Variants in EXOC4 observed in about 807,000 individuals in gnomAD.
EXOC4 encodes exocyst complex component 4.
A neutral mutation model predicts 107.2 loss-of-function variants in EXOC4; 71 were observed. The ratio of observed to expected loss-of-function variants is 0.66; its 90% CI spans 0.55 to 0.81. EXOC4 has a LOEUF of 0.81. Ranked by LOEUF, EXOC4 falls within the 30% of genes least tolerant of loss-of-function variation. The probability of loss-of-function intolerance (pLI) is 0.00; values close to 1 mark genes in which losing one functional copy is unlikely to be tolerated. For missense variants in EXOC4, 1,108 were observed against 1,189.6 expected, an observed-to-expected ratio of 0.93 and a Z score of 1.01; for synonymous variants, 456 against 441.2, an observed-to-expected ratio of 1.03 and a Z score of -0.42.
intron 1 of EXOC4, among the ~76,000 whole-genome samples, chr7:133,256,426 C>T (rs1202851089): frequency 2.6e-5 from 4 of 152,194 alleles, no homozygotes; most frequent in African/African-American, 4.8e-5. Flanking sequence ...ATGTTAGGCT[C>T]GTGTTTATAA....
At chr7:133,452,337 G>A (rs1396983491) in intron 7 of EXOC4, among the ~76,000 whole-genome samples, 1 of 151,938 alleles carries the variant, frequency 6.6e-6, no homozygotes, top group Non-Finnish European at 1.5e-5. Context: ...TCTATCATAA[G>A]ATAACTGTTG....
intron 9 of EXOC4, among the ~76,000 whole-genome samples, chr7:133,605,153 A>G (rs533017466): frequency 6.6e-6 from 1 of 152,318 alleles, no homozygotes; most frequent in South Asian, 2.1e-4. Context: ...GTGTATGAAC[A>G]TTAGAGACTA....
At chr7:133,430,322 C>T (rs973712445) in intron 7 of EXOC4, among the ~76,000 whole-genome samples, 5 of 152,042 alleles carry the variant, frequency 3.3e-5, no homozygotes, top group South Asian at 2.1e-4. Flanking sequence ...TGGGGCATGG[C>T]GGGCCAGGGT....
At chr7:133,946,159 C>G (rs1298592711) in intron 14 of EXOC4, among the ~76,000 whole-genome samples, 2 of 152,172 alleles carry the variant, frequency 1.3e-5, no homozygotes, top group Non-Finnish European at 2.9e-5. Flanking sequence ...ACTTTCCGTG[C>G]CCTTCATCGT....
rs1434198714 is a variant in EXOC4 at position 133,817,520 on chromosome 7, G to A, written c.1710G>A (p.Leu570=). ...ILANADTMKV[L]GVQRPLLQST... ...CCAACGCAGACACCATGAAGGTGCT[G>A]GGAGTGCAGCGGCCTCTCCTACAGG... The change falls in exon 11 of 18, where the codon CTG becomes CTA. Residue 570 remains leucine (L), a synonymous_variant. Transcript: ENST00000253861. 4 of 1,613,902 alleles carry A rather than the reference G, an allele frequency of 2.5e-6. No individual in the cohort carries two copies. In the African/African-American group the frequency reaches 5.3e-5, roughly 22 times the overall value.
chr7:133,480,369 A>G (rs1799125724), intron 9 of EXOC4: 3 of 1,342,952 alleles, frequency 2.2e-6, no homozygotes, highest in East Asian at 6.1e-5. Context: ...ATTCAAAGCA[A>G]AAAGAGATGA....
At chr7:133,680,663 G>A (rs1210993935) in intron 10 of EXOC4, among the ~76,000 whole-genome samples, 2 of 152,168 alleles carry the variant, frequency 1.3e-5, no homozygotes, top group Non-Finnish European at 2.9e-5. Context: ...GAATAATTTC[G>A]CTAGGACCTA....
intron 10 of EXOC4, among the ~76,000 whole-genome samples, chr7:133,707,487 GA>G (rs1188328255): frequency 6.6e-6 from 1 of 151,536 alleles, no homozygotes; most frequent in African/African-American, 2.4e-5. Flanking sequence ...GAGAAACAAA[GA>G]AAAAGTTAAA....
At chr7:133,380,509 T>C (rs1796593441) in intron 7 of EXOC4, among the ~76,000 whole-genome samples, 1 of 152,092 alleles carries the variant, frequency 6.6e-6, no homozygotes, top group African/African-American at 2.4e-5. Flanking sequence ...TAGCAGTCAC[T>C]CCTCATATCC....
At chr7:133,460,540 A>G (rs1018131431) in intron 7 of EXOC4, among the ~76,000 whole-genome samples, 1 of 152,228 alleles carries the variant, frequency 6.6e-6, no homozygotes, top group African/African-American at 2.4e-5. Flanking sequence ...AACATTCAGT[A>G]TAAGTAATGT....
At chr7:134,002,812 T>A (rs6467513) in intron 15 of EXOC4, among the ~76,000 whole-genome samples, 6 of 152,000 alleles carry the variant, frequency 3.9e-5, no homozygotes, top group East Asian at 1.9e-4. Flanking sequence ...TATTTAAAAC[T>A]GACAACACCA....
chr7:133,971,197 T>A (rs994257773), intron 14 of EXOC4, among the ~76,000 whole-genome samples: 23 of 151,818 alleles, frequency 1.5e-4, no homozygotes, highest in African/African-American at 5.6e-4. Flanking sequence ...TCAGGGTTAA[T>A]GTGCAGGACT....
rs184052458 is a variant in EXOC4 at position 133,604,110 on chromosome 7, T to C, written c.1418-25935T>C. 2.0e-5 allele frequency among the ~76,000 whole-genome samples: 3 copies of C among 152,232 alleles called. No individual in the cohort carries two copies. In the East Asian group the frequency reaches 5.8e-4, roughly 29 times the overall value. ...CAGGATCATCAGTATCACTGTCTTC[T>C]ACCCCCACATCTTGTCCCACTGGAA... On this transcript the variant is annotated intron_variant, in intron 9 of 17. Coordinates refer to ENST00000253861, the MANE Select transcript of EXOC4 (RefSeq NM_021807.4).
At chr7:133,505,160 T>C (rs1226855957) in intron 9 of EXOC4, among the ~76,000 whole-genome samples, 1 of 152,140 alleles carries the variant, frequency 6.6e-6, no homozygotes, top group Non-Finnish European at 1.5e-5. Context: ...TCGAGGAGTG[T>C]CTTGAATAAG....
intron 13 of EXOC4, among the ~76,000 whole-genome samples, chr7:133,918,148 A>AC (rs1799853505): frequency 1.2e-5 from 1 of 86,768 alleles, no homozygotes; most frequent in Non-Finnish European, 2.1e-5. Flanking sequence ...ACGCCCGGCT[A>AC]ATTTTTTATT....
the EXOC4 span, among the ~76,000 whole-genome samples, chr7:134,097,743 TCTC>T: frequency 2.6e-5 from 4 of 152,230 alleles, no homozygotes; most frequent in South Asian, 2.1e-4. Flanking sequence ...ATAAGACCCT[TCTC>T]CTCATTATTT....
intron 5 of EXOC4, among the ~76,000 whole-genome samples, chr7:133,344,736 T>C (rs1333177168): frequency 6.6e-6 from 1 of 152,226 alleles, no homozygotes; most frequent in East Asian, 1.9e-4. Context: ...GATACCTTTT[T>C]AGTATTTTGA....
intron 9 of EXOC4, among the ~76,000 whole-genome samples, chr7:133,584,923 C>A (rs891617821): frequency 5.3e-5 from 8 of 152,208 alleles, no homozygotes; most frequent in African/African-American, 1.7e-4. Flanking sequence ...AAGATTTCCA[C>A]TGACAAGAGT....
At chr7:133,845,716 A>G (rs1221796470) in intron 11 of EXOC4, among the ~76,000 whole-genome samples, 3 of 152,070 alleles carry the variant, frequency 2.0e-5, no homozygotes, top group Admixed American at 6.6e-5. Flanking sequence ...ACAAAACTCT[A>G]TATACTTCAT....
Sources: allele counts gnomAD v4.1 joint callset (sites outside exome capture counted in the v4.1 genomes callset), GRCh38; gene constraint gnomAD v4.1.1; transcripts MANE v1.5; gene names NCBI Gene and HGNC (gene_info 2026-07-23, HGNC 2026-07-21).